The following NAALADL2 variants were observed in gnomAD, a reference collection of about 807,000 sequenced individuals.
NAALADL2 encodes the protein N-acetylated alpha-linked acidic dipeptidase like 2, also known as inactive N-acetylated-alpha-linked acidic dipeptidase-like protein 2.
In NAALADL2, 76 loss-of-function variants were observed where a neutral mutation model predicts 87.2. That is an observed-to-expected ratio of 0.87 (90% confidence interval 0.72 to 1.05). NAALADL2 has a LOEUF of 1.05. Ranked by LOEUF, NAALADL2 falls within the 50% of genes least tolerant of loss-of-function variation. NAALADL2 has a pLI of 0.00. For missense variants in NAALADL2, 1,089 were observed against 945.8 expected, an observed-to-expected ratio of 1.15 and a Z score of -1.99; for synonymous variants, 354 against 331.0, an observed-to-expected ratio of 1.07 and a Z score of -0.75.
intron 1 of NAALADL2, chr3:175,079,547 C>G (rs1174386949): frequency 1.3e-5 from 2 of 152,072 alleles, no homozygotes; most frequent in Non-Finnish European, 2.9e-5. Flanking sequence ...AAAAATTTTT[C>G]TAACATGTTT....
intron 13 of NAALADL2, among the ~76,000 whole-genome samples, chr3:175,786,830 C>G (rs905520141): frequency 1.1e-4 from 17 of 152,128 alleles, no homozygotes; most frequent in Non-Finnish European, 1.5e-4. Context: ...GTTTTTTCCC[C>G]ATCTTTGTGG....
chr3:175,100,989 CTGG>C lies in NAALADL2; in HGVS notation c.545+3699_545+3701del, dbSNP rs1460719068. ...AGAAGCTTGAGGTGTGTTCAGAGGC[CTGG>C]GGGTTGTAAGCAGGAGCTGGAGGAG... On this transcript the variant is annotated intron_variant, in intron 2 of 13. Transcript: ENST00000454872. Among the ~76,000 whole-genome samples the C allele has an allele frequency of 2.6e-5, 4 of 151,928 alleles. No homozygotes were observed. The East Asian group carries it at 7.8e-4, about 29-fold the overall frequency.
At chr3:175,447,451 T>A in intron 6 of NAALADL2, 79 bp downstream of exon 6, 3 of 898,614 alleles carry the variant, frequency 3.3e-6, no homozygotes, top group Non-Finnish European at 4.7e-6. Context: ...TAAATTGATG[T>A]ATGTAGGATT....
chr3:174,794,802 C>T (rs1290440436), intron 3 of NAALADL2, among the ~76,000 whole-genome samples: 1 of 151,836 alleles, frequency 6.6e-6, no homozygotes, highest in African/African-American at 2.4e-5. Context: ...ATTGCTGATC[C>T]TTTACTATTT....
intron 9 of NAALADL2, among the ~76,000 whole-genome samples, chr3:175,502,061 A>G (rs893344416): frequency 2.0e-5 from 3 of 152,154 alleles, no homozygotes; most frequent in African/African-American, 7.2e-5. Context: ...TGAAGAGAAC[A>G]ATTTCAAGTA....
chr3:174,955,227 G>A (rs185154592), intron 1 of NAALADL2, among the ~76,000 whole-genome samples: 4 of 152,108 alleles, frequency 2.6e-5, no homozygotes, highest in East Asian at 3.9e-4. Context: ...AATTCACGAC[G>A]CATTTTCAAA....
intron 1 of NAALADL2, among the ~76,000 whole-genome samples, chr3:175,016,469 A>G (rs1230995138): frequency 6.6e-6 from 1 of 151,448 alleles, no homozygotes; most frequent in Non-Finnish European, 1.5e-5. Flanking sequence ...ATGAGTATAT[A>G]TGGTAAGATT....
intron 2 of NAALADL2, among the ~76,000 whole-genome samples, chr3:174,557,952 G>A (rs1189053639): frequency 6.6e-6 from 1 of 152,142 alleles, no homozygotes; most frequent in Non-Finnish European, 1.5e-5. Context: ...ATGTTAACCA[G>A]TGAAACTTCT....
At chr3:174,547,703 T>C (rs1036638278) in intron 1 of NAALADL2, among the ~76,000 whole-genome samples, 2 of 152,300 alleles carry the variant, frequency 1.3e-5, no homozygotes, top group Admixed American at 6.5e-5. Flanking sequence ...TATATATTTT[T>C]ATCTTTGTTT....
At chr3:175,142,358 T>C (rs1264320740) in intron 2 of NAALADL2, among the ~76,000 whole-genome samples, 1 of 152,108 alleles carries the variant, frequency 6.6e-6, no homozygotes. Context: ...CTTTTGCTCA[T>C]CTATAGACGT....
At chr3:174,815,982 G>A (rs565702324) in intron 3 of NAALADL2, among the ~76,000 whole-genome samples, 1 of 151,756 alleles carries the variant, frequency 6.6e-6, no homozygotes, top group East Asian at 1.9e-4. Context: ...AGGAATTCAA[G>A]ATGAATTTTG....
intron 1 of NAALADL2, among the ~76,000 whole-genome samples, chr3:174,907,191 A>G (rs979757111): frequency 6.6e-6 from 1 of 152,100 alleles, no homozygotes; most frequent in Non-Finnish European, 1.5e-5. Context: ...GCATCACAGA[A>G]TACTAGCACT....
At chr3:175,682,596 T>A (rs1560969553) in intron 11 of NAALADL2, among the ~76,000 whole-genome samples, 1 of 151,878 alleles carries the variant, frequency 6.6e-6, no homozygotes, top group South Asian at 2.1e-4. Flanking sequence ...ATGGCAGAAA[T>A]GTAGTGTTTG....
chr3:175,166,014 A>G (rs1032110130), intron 2 of NAALADL2, among the ~76,000 whole-genome samples: 28 of 147,990 alleles, frequency 1.9e-4, no homozygotes, highest in Admixed American at 4.8e-4. Flanking sequence ...CAATATCACC[A>G]TCTCTTGCAT....
intron 1 of NAALADL2, among the ~76,000 whole-genome samples, chr3:174,996,682 G>T (rs1232796228): frequency 6.6e-6 from 1 of 151,794 alleles, no homozygotes; most frequent in Non-Finnish European, 1.5e-5. Flanking sequence ...AGTGGTTTTT[G>T]GTTACATGGT....
chr3:174,485,403 A>G (rs1717790753), intron 1 of NAALADL2, among the ~76,000 whole-genome samples: 1 of 131,454 alleles, frequency 7.6e-6, no homozygotes, highest in Admixed American at 8.3e-5. Context: ...CCAGGTATTA[A>G]GCCTAGTACC....
At chr3:174,702,097 T>C (rs1399361387) in intron 2 of NAALADL2, among the ~76,000 whole-genome samples, 1 of 152,164 alleles carries the variant, frequency 6.6e-6, no homozygotes, top group Non-Finnish European at 1.5e-5. Flanking sequence ...ATAGGCCGTC[T>C]TTTTAATTCT....
chr3:175,057,592 A>C (rs1241433322), intron 1 of NAALADL2, among the ~76,000 whole-genome samples: 1 of 152,178 alleles, frequency 6.6e-6, no homozygotes, highest in East Asian at 1.9e-4. Context: ...AGACTCATTA[A>C]CATTCCCCTC....
intron 1 of NAALADL2, among the ~76,000 whole-genome samples, chr3:174,924,316 GT>G (rs886868397): frequency 3.3e-5 from 5 of 149,762 alleles, no homozygotes; most frequent in African/African-American, 1.2e-4. Context: ...GTGGTGTTTG[GT>G]TTTTTGTCCC....
Sources: gnomAD v4.1 joint callset for allele counts (sites outside exome capture counted in the v4.1 genomes callset) on GRCh38, gnomAD v4.1.1 for gene constraint, MANE v1.5 for transcripts, NCBI Gene and HGNC (gene_info 2026-07-23, HGNC 2026-07-21) for gene names.